ITPRID2: variants seen among roughly 807,000 people sequenced by gnomAD.
The protein encoded by ITPRID2 is protein ITPRID2.
In ITPRID2, 60 loss-of-function variants were observed where a neutral mutation model predicts 124.3. The ratio of observed to expected loss-of-function variants is 0.48; its 90% CI spans 0.39 to 0.60. The LOEUF is 0.60. ITPRID2 is among the 20% of genes least tolerant of loss of function. The pLI is 0.00. For synonymous variants in ITPRID2, 521 were observed against 542.9 expected (o/e 0.96, Z 0.56); for missense variants, 1,553 against 1,512.2 (o/e 1.03, Z -0.45).
At chr2:181,895,179 G>A (rs761510305) in intron 2 of ITPRID2, among the ~76,000 whole-genome samples, 5 of 151,832 alleles carry the variant, frequency 3.3e-5, no homozygotes, top group Admixed American at 6.6e-5. Flanking sequence ...CCCATGTCTC[G>A]TGAATTTTTA....
At chr2:181,911,842 T>C (rs1175775640) in intron 9 of ITPRID2, among the ~76,000 whole-genome samples, 2 of 152,332 alleles carry the variant, frequency 1.3e-5, no homozygotes, top group South Asian at 2.1e-4. Flanking sequence ...AGAGAAGCTA[T>C]ATTGCTTATG....
intron 10 of ITPRID2, among the ~76,000 whole-genome samples, chr2:181,914,694 A>G (rs1219945973): frequency 1.3e-5 from 2 of 152,212 alleles, no homozygotes; most frequent in Non-Finnish European, 2.9e-5. Context: ...TTATAATAAC[A>G]TGAAATGACT....
intron 11 of ITPRID2, chr2:181,917,682 A>G (rs949698750): frequency 2.2e-4 from 33 of 152,530 alleles, no homozygotes; most frequent in African/African-American, 7.2e-4. Context: ...GTCTCTGACT[A>G]TCTCTCCAGC....
At chr2:181,899,262 T>TTTTTGTTTTG (rs59537384) in intron 6 of ITPRID2, 150 bp downstream of exon 6, 46 of 609,102 alleles carry the variant, frequency 7.6e-5, no homozygotes, top group African/African-American at 3.7e-4. Context: ...TGATAGGAGC[T>TTTTTGTTTTG]TTTTGTTTTG....
At position 181,914,436 on chromosome 2, in the gene ITPRID2, A is replaced by G. The variant is rs373161180; in HGVS notation, c.1575+503A>G. On this transcript the variant is annotated intron_variant, in intron 10 of 17. Coordinates refer to ENST00000431877, the MANE Select transcript of ITPRID2 (RefSeq NM_001130445.3). ...CAGAATGCACAGAAAAAGCATTTGA[A>G]ACATTTTTTAAGCAAATTCTAAAGA... Among the ~76,000 whole-genome samples, 60 of 152,304 alleles carry G rather than the reference A, an allele frequency of 3.9e-4. No homozygotes were observed. The East Asian group carries it at 8.7e-3, about 22-fold the overall frequency.
intron 17 of ITPRID2, 137 bp downstream of exon 17, chr2:181,928,415 A>G (rs1695023679): frequency 2.0e-6 from 1 of 509,936 alleles, no homozygotes; most frequent in South Asian, 3.0e-5. Context: ...TTATTTTACA[A>G]TGTGAAAATT....
chr2:181,895,524 T>A (rs1165206495), intron 2 of ITPRID2, among the ~76,000 whole-genome samples: 2 of 152,042 alleles, frequency 1.3e-5, no homozygotes, highest in African/African-American at 4.8e-5. Flanking sequence ...AGGCATTAGG[T>A]GATGCTCTGA....
chr2:181,910,079 C>A lies in ITPRID2; in HGVS notation c.1486+108C>A. ...TGTAGTATTTATGAGTGTGAAAAGG[C>A]AAAGAACACACACAGGTAGGCATGA... On this transcript the variant is annotated intron_variant, in intron 9 of 17. Coordinates refer to ENST00000431877, the MANE Select transcript of ITPRID2 (RefSeq NM_001130445.3). The surrounding 1 kb of genome is among the most constrained non-coding windows in gnomAD (Gnocchi z 4.1). The A allele has an allele frequency of 1.4e-6, 1 of 726,414 alleles. No individual in the cohort carries two copies. Among genetic ancestry groups the A allele is most frequent in the Admixed American group, 2.8e-5 (1 of 35,828 alleles). 45.0% of individuals were successfully genotyped at this position (726,414 alleles called of 1,614,324 possible). A position where few individuals can be genotyped will look rare whatever the true frequency, so the allele number is the denominator to read the frequency against.
At position 181,909,967 on chromosome 2, in the gene ITPRID2, A is replaced by G. The variant is rs1288459141; in HGVS notation, c.1482A>G (p.Lys494=). 1 of 1,612,086 alleles carries G rather than the reference A, an allele frequency of 6.2e-7. No homozygotes were observed. The highest frequency in any genetic ancestry group is 8.5e-7 in the Non-Finnish European group (1 of 1,178,578). The change falls in exon 9 of 18, where the codon AAA becomes AAG. Residue 494 remains lysine, a synonymous_variant. Coordinates refer to ENST00000431877, the MANE Select transcript of ITPRID2 (RefSeq NM_001130445.3). ...ATYQLGLTKS[K]RDHLLRTASQ... ...ACCAGCTAGGTCTTACGAAGTCGAA[A>G]AGAGGTAAGTGGACCAGTATCCACT...
Position 181,929,605 on chromosome 2 carries a change from G to A in ITPRID2, c.*58G>A, listed in dbSNP as rs1695136481. 1 of 1,612,982 alleles carries A rather than the reference G, an allele frequency of 6.2e-7. No homozygotes were observed. Among genetic ancestry groups the A allele is most frequent in the Non-Finnish European group, 8.5e-7 (1 of 1,179,418 alleles). ...GCTGTGTAATACTGGAATTATCAAT[G>A]ATATGCACTGGTGGAGGTGTTATTT... On this transcript the variant is annotated 3_prime_UTR_variant, in exon 18 of 18. Transcript: ENST00000431877.
In ITPRID2 at chr2:181,891,801, G is replaced by T. The variant is rs944357185; in HGVS notation, c.-266G>T. The stretch of plus-strand genomic sequence containing the variant: ...GGGAGCAGGGGCCGGGCGGGCGCTC[G>T]GCTCCCAGCCGCGCTCCCTCGGGCC... On this transcript the variant is annotated 5_prime_UTR_variant, in exon 1 of 18. Coordinates refer to ENST00000431877, the MANE Select transcript of ITPRID2 (RefSeq NM_001130445.3). 1 of 275,306 alleles carries T rather than the reference G, an allele frequency of 3.6e-6. No individual in the cohort carries two copies. The highest frequency in any genetic ancestry group is 2.3e-5 in the African/African-American group (1 of 44,006). 17.1% of individuals were successfully genotyped at this position (275,306 alleles called of 1,614,324 possible).
chr2:181,914,757 A>G (rs553161435), intron 10 of ITPRID2, among the ~76,000 whole-genome samples: 97 of 152,312 alleles, frequency 6.4e-4, no homozygotes, highest in African/African-American at 2.2e-3. Context: ...ACTGATTCAG[A>G]AAAATCCGGG....
At position 181,892,161 on chromosome 2, in the gene ITPRID2, G is replaced by A. The variant is rs1226411791; in HGVS notation, c.95G>A (p.Ser32Asn). The A allele has an allele frequency of 9.6e-6, 15 of 1,555,620 alleles. No individual in the cohort carries two copies. Among genetic ancestry groups the A allele is most frequent in the African/African-American group, 1.4e-5 (1 of 73,374 alleles). Residue 32 changes from serine to asparagine, a missense_variant, in exon 1 of 18, where the codon AGC becomes AAC. By Grantham distance (46) the Ser-to-Asn change is conservative. Coordinates refer to ENST00000431877, the MANE Select transcript of ITPRID2 (RefSeq NM_001130445.3). The surrounding 1 kb of genome is among the most constrained non-coding windows in gnomAD (Gnocchi z 5.2). ...RRRKAWAKCR[S>N]SWQASETEDL... The stretch of plus-strand genomic sequence containing the variant: ...AGGAAGGCCTGGGCCAAGTGCCGCA[G>A]CTCCTGGCAAGCGTCGGAGACGGAG...
At position 181,892,108 on chromosome 2, in the gene ITPRID2, A is replaced by G. The variant is rs908353130; in HGVS notation, c.42A>G (p.Glu14=). ...PLSSSAEAEE[E]LEWQVASRRR... ...CGTCGTCGGCGGAGGCGGAGGAGGA[A>G]CTGGAGTGGCAAGTGGCGAGTCGCA... Residue 14 remains glutamate (E), a synonymous_variant, in exon 1 of 18, where the codon GAA becomes GAG. Coordinates refer to ENST00000431877, the MANE Select transcript of ITPRID2 (RefSeq NM_001130445.3). This position sits in a 1 kb window ranked among gnomAD's most constrained non-coding sequence, Gnocchi z 5.2. 4.5e-6 allele frequency: 7 copies of G among 1,558,370 alleles called. No individual in the cohort carries two copies. The highest frequency in any genetic ancestry group is 2.7e-5 in the African/African-American group (2 of 73,538).
intron 14 of ITPRID2, among the ~76,000 whole-genome samples, chr2:181,920,222 G>A (rs551753541): frequency 3.3e-5 from 5 of 152,274 alleles, no homozygotes; most frequent in African/African-American, 1.2e-4. Context: ...TATAAATGAA[G>A]TAGAATAAAC....
In ITPRID2 at chr2:181,892,795, T is replaced by A. The variant is rs182667488; in HGVS notation, c.257+135T>A. 3,568 of 966,606 alleles carry A rather than the reference T, an allele frequency of 3.7e-3. 12 individuals carry two copies. Among genetic ancestry groups the A allele is most frequent in the Non-Finnish European group, 4.6e-3 (2,869 of 625,968 alleles). The allele number at this position is 966,606 out of a possible 1,614,324, so 59.9% of individuals were successfully genotyped here. On this transcript the variant is annotated intron_variant, in intron 2 of 17. Coordinates refer to ENST00000431877, the MANE Select transcript of ITPRID2 (RefSeq NM_001130445.3). This position sits in a 1 kb window ranked among gnomAD's most constrained non-coding sequence, Gnocchi z 5.2. The stretch of plus-strand genomic sequence containing the variant: ...ACAAACCGGAAAGTGAGCCGGCGGA[T>A]AGCTTCCTCCTCTAAGCGATTAGAA...
chr2:181,924,813 AC>A (rs1439891502), intron 16 of ITPRID2, among the ~76,000 whole-genome samples: 2 of 152,218 alleles, frequency 1.3e-5, no homozygotes, highest in Non-Finnish European at 1.5e-5. Context: ...TATTAAAGAT[AC>A]CTCTTTTCTG....
intron 9 of ITPRID2, 33 bp from the exon 10 acceptor site, chr2:181,913,810 ATC>A: frequency 2.0e-6 from 3 of 1,496,986 alleles, no homozygotes; most frequent in East Asian, 2.3e-5. Flanking sequence ...TTTATAGATC[ATC>A]TGTTTCTTAT....
chr2:181,898,645 A>G (rs965742794), intron 4 of ITPRID2, among the ~76,000 whole-genome samples: 2 of 152,064 alleles, frequency 1.3e-5, no homozygotes, highest in African/African-American at 4.8e-5. Context: ...CTCAAGTGAG[A>G]GTAGTTAGTT....
Sources: gnomAD v4.1 joint callset for allele counts (sites outside exome capture counted in the v4.1 genomes callset) on GRCh38, gnomAD v4.1.1 for gene constraint, Gnocchi (gnomAD v3.1) non-coding constraint, MANE v1.5 for transcripts, NCBI Gene and HGNC (gene_info 2026-07-23, HGNC 2026-07-21) for gene names.